Variants in VAT1L observed in about 807,000 individuals in gnomAD.
The protein encoded by VAT1L is vesicle amine transport 1 like, also known as putative NADPH-dependent quinone oxidoreductase VAT1L.
VAT1L carries 34 observed loss-of-function variants against 44.1 expected under a neutral mutation model. The observed-to-expected ratio is 0.77, with a 90% CI of 0.59 to 1.03. The LOEUF is 1.03. Ranked by LOEUF, VAT1L falls within the 50% of genes least tolerant of loss-of-function variation. VAT1L has a pLI of 0.00. For synonymous variants in VAT1L, 253 were observed against 202.2 expected, an observed-to-expected ratio of 1.25 and a Z score of -2.13; for missense variants, 615 against 538.8, an observed-to-expected ratio of 1.14 and a Z score of -1.40.
At chr16:77,795,283 C>G (rs11349637) in intron 1 of VAT1L, among the ~76,000 whole-genome samples, 14,774 of 74,014 alleles carry the variant, frequency 0.2, 950 homozygotes, top group South Asian at 0.28. Context: ...ACAGTGGGGG[C>G]GGGGGGAAAG....
At chr16:77,871,304 T>C (rs1314220922) in intron 4 of VAT1L, among the ~76,000 whole-genome samples, 5 of 151,994 alleles carry the variant, frequency 3.3e-5, no homozygotes, top group African/African-American at 4.8e-5. Flanking sequence ...TGTGGTTCTG[T>C]TGACCCCCAG....
intron 1 of VAT1L, among the ~76,000 whole-genome samples, chr16:77,804,319 T>C (rs1172705944): frequency 6.6e-6 from 1 of 152,112 alleles, no homozygotes; most frequent in African/African-American, 2.4e-5. Flanking sequence ...TAACTCCAGG[T>C]CTCAAAGTCA....
chr16:77,925,436 T>C (rs1350942733), intron 7 of VAT1L, among the ~76,000 whole-genome samples: 1 of 152,174 alleles, frequency 6.6e-6, no homozygotes, highest in Non-Finnish European at 1.5e-5. Context: ...ATCAAGCTAA[T>C]AATACCCCTT....
intron 5 of VAT1L, among the ~76,000 whole-genome samples, chr16:77,877,987 G>A (rs146450952): frequency 5.2e-4 from 79 of 152,332 alleles, no homozygotes; most frequent in African/African-American, 1.7e-3. Context: ...GCAGATGGAC[G>A]ATGTAGTCAT....
chr16:77,854,680 G>T (rs1342028510), intron 3 of VAT1L, among the ~76,000 whole-genome samples: 1 of 152,184 alleles, frequency 6.6e-6, no homozygotes, highest in Non-Finnish European at 1.5e-5. Flanking sequence ...ATCTTTGGAA[G>T]AAGAAAATCT....
intron 1 of VAT1L, among the ~76,000 whole-genome samples, chr16:77,796,864 G>C (rs2015943376): frequency 6.6e-6 from 1 of 152,140 alleles, no homozygotes. Context: ...AATCCAAAGG[G>C]AAATAACTCA....
intron 7 of VAT1L, among the ~76,000 whole-genome samples, chr16:77,889,982 G>A (rs1012305431): frequency 6.6e-6 from 1 of 152,172 alleles, no homozygotes; most frequent in Non-Finnish European, 1.5e-5. Context: ...AGCTACTTGG[G>A]AGGCTGAGGC....
At chr16:77,914,534 A>G (rs2017531809) in intron 7 of VAT1L, among the ~76,000 whole-genome samples, 1 of 152,244 alleles carries the variant, frequency 6.6e-6, no homozygotes, top group Admixed American at 6.5e-5. Flanking sequence ...AAAAAAATGT[A>G]AATAACGCAA....
chr16:77,888,262 T>G (rs1355204655), intron 7 of VAT1L, among the ~76,000 whole-genome samples: 1 of 152,192 alleles, frequency 6.6e-6, no homozygotes, highest in Non-Finnish European at 1.5e-5. Flanking sequence ...GTTCTTTTAT[T>G]TCTCAGCTTG....
chr16:77,849,741 G>T (rs989344695), intron 3 of VAT1L, among the ~76,000 whole-genome samples: 1 of 152,150 alleles, frequency 6.6e-6, no homozygotes, highest in African/African-American at 2.4e-5. Flanking sequence ...CTGCATTCCA[G>T]TTCCCTACAA....
intron 7 of VAT1L, among the ~76,000 whole-genome samples, chr16:77,914,469 C>T (rs2142488134): frequency 6.6e-6 from 1 of 152,290 alleles, no homozygotes; most frequent in East Asian, 1.9e-4. Context: ...GCAAACGCTA[C>T]AATCCGGGCT....
At chr16:77,873,059 A>T (rs1422999724) in intron 4 of VAT1L, among the ~76,000 whole-genome samples, 1 of 152,224 alleles carries the variant, frequency 6.6e-6, no homozygotes, top group Non-Finnish European at 1.5e-5. Flanking sequence ...ATTTATTTCA[A>T]GACAAAATTT....
At chr16:77,962,814 C>T (rs1468254820) in intron 7 of VAT1L, among the ~76,000 whole-genome samples, 1 of 149,400 alleles carries the variant, frequency 6.7e-6, no homozygotes. Context: ...GGCATGGTGG[C>T]TCATGCCTGC....
intron 7 of VAT1L, among the ~76,000 whole-genome samples, chr16:77,951,338 G>C (rs2018039998): frequency 6.6e-6 from 1 of 152,142 alleles, no homozygotes; most frequent in Admixed American, 6.5e-5. Flanking sequence ...TTGAGGTCAG[G>C]AGCTTGGGAC....
At chr16:77,837,319 C>G (rs956039266) in intron 3 of VAT1L, among the ~76,000 whole-genome samples, 2 of 152,198 alleles carry the variant, frequency 1.3e-5, no homozygotes, top group Non-Finnish European at 2.9e-5. Context: ...TTGATGTTAA[C>G]TATCTGGCTG....
chr16:77,822,350 G>T (rs544437434), intron 2 of VAT1L, among the ~76,000 whole-genome samples: 4 of 151,904 alleles, frequency 2.6e-5, no homozygotes, highest in African/African-American at 9.7e-5. Flanking sequence ...ATCAGGCTGG[G>T]CTTGAACTCC....
chr16:77,866,611 A>G (rs2016976863), intron 4 of VAT1L, among the ~76,000 whole-genome samples: 1 of 147,448 alleles, frequency 6.8e-6, no homozygotes, highest in African/African-American at 2.6e-5. Flanking sequence ...ACAATGAACC[A>G]GAAAAAAAAA....
chr16:77,880,589 G>GTT (rs1374806566), intron 6 of VAT1L, among the ~76,000 whole-genome samples: 1 of 16,374 alleles, frequency 6.1e-5, no homozygotes, highest in African/African-American at 2.3e-4. Flanking sequence ...ACGTTCCAGG[G>GTT]TATTTTTTTT....
intron 3 of VAT1L, among the ~76,000 whole-genome samples, chr16:77,836,622 C>T (rs16946589): frequency 0.19 from 28,717 of 152,076 alleles, 2,709 homozygotes; most frequent in Non-Finnish European, 0.2. Context: ...TCCCAGAAAT[C>T]TCTAATGCCA....
Sources: allele counts gnomAD v4.1 joint callset (sites outside exome capture counted in the v4.1 genomes callset), GRCh38; gene constraint gnomAD v4.1.1; transcripts MANE v1.5; gene names NCBI Gene and HGNC (gene_info 2026-07-23, HGNC 2026-07-21).